Variants in ALG14 observed in about 807,000 individuals in gnomAD.
ALG14 encodes the protein ALG14 UDP-N-acetylglucosaminyltransferase subunit, also known as UDP-N-acetylglucosamine transferase subunit ALG14.
In ALG14, 17 loss-of-function variants were observed where a neutral mutation model predicts 22.8. The observed-to-expected ratio is 0.75, with a 90% CI of 0.51 to 1.12. The LOEUF is 1.12. Ranked by LOEUF, ALG14 falls within the 50% of genes most tolerant of loss-of-function variation. The pLI is 0.00. For missense variants in ALG14, 288 were observed against 271.8 expected (o/e 1.06, Z -0.42); for synonymous variants, 89 against 103.7 (o/e 0.86, Z 0.86).
chr1:95,047,021 C>CATAACATAAA, intron 2 of ALG14, among the ~76,000 whole-genome samples: 1 of 140,436 alleles, frequency 7.1e-6, no homozygotes, highest in Admixed American at 7.3e-5. Context: ...CATAACATAA[C>CATAACATAAA]ATAACATAAC....
chr1:94,996,634 T>G (rs1056793282), intron 3 of ALG14, among the ~76,000 whole-genome samples: 20 of 152,190 alleles, frequency 1.3e-4, no homozygotes, highest in African/African-American at 4.8e-4. Flanking sequence ...TGGAGTTCTA[T>G]CCAAAGGACT....
intron 2 of ALG14, among the ~76,000 whole-genome samples, chr1:95,033,964 C>T (rs112879381): frequency 6.6e-6 from 1 of 152,206 alleles, no homozygotes; most frequent in African/African-American, 2.4e-5. Context: ...GTCCAAATGC[C>T]TTACAGTTGC....
intron 2 of ALG14, among the ~76,000 whole-genome samples, chr1:95,041,153 T>G (rs1188724140): frequency 6.6e-6 from 1 of 152,186 alleles, no homozygotes; most frequent in Admixed American, 6.5e-5. Flanking sequence ...ATTTTCTTAT[T>G]CAAATATTTT....
intron 3 of ALG14, among the ~76,000 whole-genome samples, chr1:95,005,842 C>T (rs1433381421): frequency 6.6e-6 from 1 of 152,136 alleles, no homozygotes; most frequent in East Asian, 1.9e-4. Flanking sequence ...GGACATTCTG[C>T]AATACTTGGG....
At chr1:94,998,394 T>C (rs1672962445) in intron 3 of ALG14, among the ~76,000 whole-genome samples, 1 of 152,074 alleles carries the variant, frequency 6.6e-6, no homozygotes, top group Non-Finnish European at 1.5e-5. Context: ...AAAACCAGGC[T>C]CCCTTTGGTT....
In ALG14 at chr1:95,027,115, A is replaced by G. The variant is rs200935531; in HGVS notation, c.420+14T>C. ...GGAGTTACTTTCTCTCTCCTTAGTG[A>G]TGGTCTTACTTACCAAATCTGGCTT... On this transcript the variant is annotated intron_variant, in intron 3 of 3. Transcript: ENST00000370205. 3.7e-6 allele frequency: 6 copies of G among 1,613,726 alleles called. No individual in the cohort carries two copies. In the East Asian group the frequency reaches 1.3e-4, roughly 36 times the overall value.
intron 3 of ALG14, among the ~76,000 whole-genome samples, chr1:95,017,729 C>T (rs567584315): frequency 1.3e-5 from 2 of 152,300 alleles, no homozygotes; most frequent in East Asian, 1.9e-4. Flanking sequence ...GTGACAGGTG[C>T]TCCCTAAGGA....
chr1:94,977,705 G>C lies in ALG14; in HGVS notation c.*5371C>G, dbSNP rs1049525997. 1 of 151,620 alleles carries C rather than the reference G, an allele frequency of 6.6e-6. No individual in the cohort carries two copies. Among genetic ancestry groups the C allele is most frequent in the South Asian group, 2.1e-4 (1 of 4,806 alleles). The allele number at this position is 151,620 out of a possible 1,614,324, so 9.4% of individuals were successfully genotyped here. On this transcript the variant is annotated 3_prime_UTR_variant, in exon 4 of 4. Transcript: ENST00000370205. Reference sequence around the variant, plus strand: ...ACTCTGTCACCCAGGCTGGAGTGCAGTGCCATGATCTCGGCTCACTGCAAC... The same window carrying C: ...ACTCTGTCACCCAGGCTGGAGTGCACTGCCATGATCTCGGCTCACTGCAAC...
chr1:95,025,511 T>C (rs1020773557), intron 3 of ALG14, among the ~76,000 whole-genome samples: 3 of 152,242 alleles, frequency 2.0e-5, no homozygotes, highest in African/African-American at 7.2e-5. Flanking sequence ...AGCCAGCTAT[T>C]GACTTCTCTT....
chr1:95,011,168 C>T (rs1445397944), intron 3 of ALG14, among the ~76,000 whole-genome samples: 1 of 152,056 alleles, frequency 6.6e-6, no homozygotes, highest in Non-Finnish European at 1.5e-5. Flanking sequence ...CCTTGAAATC[C>T]TCACCTCCAC....
chr1:95,024,268 C>T (rs537894044), intron 3 of ALG14, among the ~76,000 whole-genome samples: 30 of 152,268 alleles, frequency 2.0e-4, no homozygotes, highest in Non-Finnish European at 3.4e-4. Flanking sequence ...TGAGCGACCG[C>T]GCCCGGCCTT....
intron 3 of ALG14, among the ~76,000 whole-genome samples, chr1:94,983,952 G>T (rs1158574728): frequency 6.6e-6 from 1 of 151,754 alleles, no homozygotes; most frequent in Non-Finnish European, 1.5e-5. Context: ...CACCATGTTA[G>T]CCAGGATGGT....
chr1:95,029,208 A>AT (rs35777613), intron 2 of ALG14, among the ~76,000 whole-genome samples: 82,258 of 151,914 alleles, frequency 0.54, 22,962 homozygotes, highest in East Asian at 0.82. Context: ...TGGCTCACTC[A>AT]ATGGCTGGCC....
chr1:95,027,705 C>T (rs4427415), intron 2 of ALG14, among the ~76,000 whole-genome samples: 27,295 of 152,140 alleles, frequency 0.18, 3,081 homozygotes, highest in East Asian at 0.58. Context: ...AAGTCATTTT[C>T]GCCTACCTGA....
intron 3 of ALG14, among the ~76,000 whole-genome samples, chr1:94,994,764 T>C (rs58602136): frequency 0.072 from 11,032 of 152,180 alleles, 447 homozygotes; most frequent in Middle Eastern, 0.1. Flanking sequence ...GGCAAGAGGG[T>C]TCTAAGAAAG....
rs562900303 is a variant in ALG14 at position 94,984,342 on chromosome 1, T to C, written c.421-1036A>G. ...GTTGGAAAGGTTCCCATATATACTG[T>C]CTATATTGTTTATACCACCCCAGCA... On this transcript the variant is annotated intron_variant, in intron 3 of 3. Transcript: ENST00000370205. Among the ~76,000 whole-genome samples the C allele has an allele frequency of 1.9e-4, 29 of 152,188 alleles. 1 individual carries two copies. Among genetic ancestry groups the C allele is most frequent in the Middle Eastern group, 6.8e-3 (2 of 294 alleles).
At chr1:95,066,165 A>G (rs1675354759) in intron 1 of ALG14, among the ~76,000 whole-genome samples, 1 of 152,138 alleles carries the variant, frequency 6.6e-6, no homozygotes, top group Non-Finnish European at 1.5e-5. Context: ...ATATAGTGAT[A>G]CAAGAACACA....
intron 2 of ALG14, among the ~76,000 whole-genome samples, chr1:95,061,357 G>A (rs1675140611): frequency 6.6e-6 from 1 of 152,184 alleles, no homozygotes; most frequent in Non-Finnish European, 1.5e-5. Context: ...TGCTATAGCT[G>A]AATGATAGCA....
chr1:94,988,448 G>A (rs999273483), intron 3 of ALG14, among the ~76,000 whole-genome samples: 16 of 152,232 alleles, frequency 1.1e-4, no homozygotes, highest in Non-Finnish European at 1.9e-4. Flanking sequence ...ATTTGGTCAA[G>A]AGAAGAGTAA....
Sources: gnomAD v4.1 joint callset for allele counts (sites outside exome capture counted in the v4.1 genomes callset) on GRCh38, gnomAD v4.1.1 for gene constraint, MANE v1.5 for transcripts, NCBI Gene and HGNC (gene_info 2026-07-23, HGNC 2026-07-21) for gene names.